LSS: variants seen among roughly 807,000 people sequenced by gnomAD.
The protein encoded by LSS is lanosterol synthase.
In LSS, 90 loss-of-function variants were observed where a neutral mutation model predicts 110.3. The observed-to-expected ratio is 0.82, with a 90% CI of 0.69 to 0.97. LSS has a LOEUF of 0.97. LSS is among the 50% of genes least tolerant of loss of function. LSS has a pLI of 0.00. For missense variants in LSS, 927 were observed against 990.0 expected (o/e 0.94, Z 0.85); for synonymous variants, 433 against 400.0 (o/e 1.08, Z -0.98).
At chr21:46,215,087 C>G in intron 9 of LSS, 93 bp downstream of exon 9, 1 of 1,035,118 alleles carries the variant, frequency 9.7e-7, no homozygotes, top group Non-Finnish European at 1.5e-6. Flanking sequence ...CTCCAGGAAA[C>G]CCCACTCCCA....
chr21:46,211,011 G>T (rs928144575), intron 11 of LSS, among the ~76,000 whole-genome samples: 2 of 152,226 alleles, frequency 1.3e-5, no homozygotes, highest in Non-Finnish European at 2.9e-5. Context: ...TCCCTCTGAG[G>T]ACACTTCTAG....
chr21:46,219,450 A>C, intron 6 of LSS, 26 bp downstream of exon 6: 2 of 1,545,810 alleles, frequency 1.3e-6, no homozygotes, highest in Non-Finnish European at 1.8e-6. Context: ...GCAGCGACCC[A>C]ACAACCCAAT....
At position 46,228,447 on chromosome 21, in the gene LSS, A is replaced by G; in HGVS notation, c.167T>C (p.Leu56Pro). Reference sequence around the variant, plus strand: ...GAAGCAACTTACGGTGTCCAGCCCCAGGGCGTAGGCTTCCAGGCCGGTCTG... The same window carrying G: ...GAAGCAACTTACGGTGTCCAGCCCCGGGGCGTAGGCTTCCAGGCCGGTCTG... The part of the protein sequence containing the change: ...REQTGLEAYA[L>P]GLDTKNYFKD... Residue 56 changes from leucine (L) to proline (P), a missense_variant, in exon 2 of 22, where the codon CTG (leucine) becomes CCG (proline). Coordinates refer to ENST00000397728, the MANE Select transcript of LSS (RefSeq NM_002340.6). The G allele has an allele frequency of 6.2e-7, 1 of 1,603,254 alleles. No homozygotes were observed. Among genetic ancestry groups the G allele is most frequent in the Non-Finnish European group, 8.5e-7 (1 of 1,179,600 alleles).
intron 6 of LSS, among the ~76,000 whole-genome samples, chr21:46,218,228 T>C (rs2080231755): frequency 6.6e-6 from 1 of 151,962 alleles, no homozygotes; most frequent in Non-Finnish European, 1.5e-5. Context: ...CTCTGTGTGG[T>C]TCCAGGGTCT....
At chr21:46,225,237 A>G in intron 3 of LSS, 1 of 261,162 alleles carries the variant, frequency 3.8e-6, no homozygotes, top group Non-Finnish European at 7.9e-6. Flanking sequence ...CAGGCCATAC[A>G]GAGATAGGAG....
intron 15 of LSS, 131 bp downstream of exon 15, chr21:46,207,297 C>T (rs2080063227): frequency 8.9e-7 from 1 of 1,129,768 alleles, no homozygotes; most frequent in African/African-American, 1.5e-5. Context: ...CATATAGACA[C>T]CATCCAAGGA....
intron 15 of LSS, 57 bp downstream of exon 15, chr21:46,207,371 C>A (rs558478675): frequency 1.9e-6 from 3 of 1,587,738 alleles, no homozygotes; most frequent in Non-Finnish European, 2.6e-6. Flanking sequence ...GAAGTGAGCA[C>A]GCAGCTCATC....
At position 46,215,224 on chromosome 21, in the gene LSS, T is replaced by C. The variant is rs544052419; in HGVS notation, c.967A>G (p.Ile323Val). Residue 323 changes from isoleucine (I) to valine (V), a missense_variant, in exon 9 of 22, where the codon ATT (isoleucine) becomes GTT (valine). Transcript: ENST00000397728. ...TTGGTGAATCGGTCGTCGGCCACAA[T>C]GTGTTCATACAGCTTCTGCACGGCC... is the stretch of plus-strand genomic sequence containing the variant. ...QRAVQKLYEH[I>V]VADDRFTKSI... 3.1e-6 allele frequency: 5 copies of C among 1,611,268 alleles called. No homozygotes were observed. Among genetic ancestry groups the C allele is most frequent in the Admixed American group, 1.7e-5 (1 of 60,000 alleles).
At chr21:46,228,660 G>A in intron 1 of LSS, 61 bp from the exon 2 acceptor site, 2 of 1,598,116 alleles carry the variant, frequency 1.3e-6, no homozygotes, top group Non-Finnish European at 1.7e-6. Flanking sequence ...CCGGCCCACT[G>A]CCCCAGTCGC....
chr21:46,198,777 C>A, intron 17 of LSS, among the ~76,000 whole-genome samples: 1 of 135,092 alleles, frequency 7.4e-6, no homozygotes. Flanking sequence ...ACAAAATGAC[C>A]CAAAAAGAGT....
At chr21:46,221,830 C>T (rs1322010678) in intron 5 of LSS, 24 bp downstream of exon 5, 1 of 1,613,562 alleles carries the variant, frequency 6.2e-7, no homozygotes, top group Non-Finnish European at 8.5e-7. Context: ...ACCCCTGGCC[C>T]AGCACATGCT....
intron 6 of LSS, among the ~76,000 whole-genome samples, chr21:46,218,700 G>C (rs1288501548): frequency 1.3e-5 from 2 of 150,914 alleles, no homozygotes; most frequent in Non-Finnish European, 2.9e-5. Context: ...ACAGTATGTG[G>C]TTCTGTTTAA....
At chr21:46,215,119 ACTT>A (rs1283215713) in intron 9 of LSS, 58 bp downstream of exon 9, 4 of 1,394,598 alleles carry the variant, frequency 2.9e-6, no homozygotes, top group Admixed American at 3.4e-5. Flanking sequence ...GGCCTCTAGG[ACTT>A]CACTTTCGGA....
At position 46,211,796 on chromosome 21, in the gene LSS, A is replaced by G. The variant is rs987431587; in HGVS notation, c.1138-1052T>C. Among the ~76,000 whole-genome samples the G allele has an allele frequency of 3.5e-4, 54 of 152,336 alleles. No homozygotes were observed. In the Middle Eastern group the frequency reaches 0.01, roughly 29 times the overall value. ...TCAGATCTGCAATGTGAAGCCCTTC[A>G]GGAACAAACCTTCCAGGAGGAGAAA... is the stretch of plus-strand genomic sequence containing the variant. On this transcript the variant is annotated intron_variant, in intron 11 of 21. Transcript: ENST00000397728.
intron 15 of LSS, 117 bp from the exon 16 acceptor site, chr21:46,206,885 CA>C (rs1034850992): frequency 9.2e-6 from 7 of 761,662 alleles, no homozygotes; most frequent in Non-Finnish European, 1.6e-5. Flanking sequence ...GGGGCAGGAA[CA>C]GGGGGCGGAG....
chr21:46,217,920 C>T (rs1324013069), intron 6 of LSS, among the ~76,000 whole-genome samples: 2 of 152,218 alleles, frequency 1.3e-5, no homozygotes, highest in African/African-American at 2.4e-5. Flanking sequence ...GGCACCCTAA[C>T]CCTGCCCCCT....
chr21:46,215,930 C>A, intron 7 of LSS, 137 bp from the exon 8 acceptor site: 1 of 615,150 alleles, frequency 1.6e-6, no homozygotes, highest in Non-Finnish European at 2.8e-6. Context: ...CCTCCAGCAA[C>A]TGACCCCGAG....
intron 5 of LSS, among the ~76,000 whole-genome samples, chr21:46,219,864 C>T (rs2080253408): frequency 1.3e-5 from 2 of 152,200 alleles, no homozygotes; most frequent in Non-Finnish European, 2.9e-5. Flanking sequence ...CACATGAAGA[C>T]AGCTACCTGG....
At chr21:46,213,081 T>G (rs2839151) in intron 10 of LSS, 29 bp from the exon 11 acceptor site, 7 of 1,611,736 alleles carry the variant, frequency 4.3e-6, no homozygotes, top group Non-Finnish European at 5.9e-6. Context: ...CCAAGTCAGG[T>G]GCAAGGAGAA....
Sources: allele counts gnomAD v4.1 joint callset (sites outside exome capture counted in the v4.1 genomes callset), GRCh38; gene constraint gnomAD v4.1.1; transcripts MANE v1.5; gene names NCBI Gene and HGNC (gene_info 2026-07-23, HGNC 2026-07-21).